The following C1orf185 variants were observed in gnomAD, a reference collection of about 807,000 sequenced individuals.
C1orf185 encodes chromosome 1 open reading frame 185, also known as uncharacterized protein C1orf185.
C1orf185 carries 13 observed loss-of-function variants against 16.1 expected under a neutral mutation model. The ratio of observed to expected loss-of-function variants is 0.81; its 90% confidence interval spans 0.53 to 1.28. The LOEUF (loss-of-function observed/expected upper bound fraction) is 1.28. Among genes scored for constraint, C1orf185 ranks in the 50% most tolerant of loss-of-function variants. The pLI, the probability that C1orf185 is intolerant of heterozygous loss-of-function variation, is 0.00. For synonymous variants in C1orf185, 80 were observed against 76.9 expected, an observed-to-expected ratio of 1.04 and a Z score of -0.21; for missense variants, 220 against 225.2, an observed-to-expected ratio of 0.98 and a Z score of 0.15.
Position 51,147,927 on chromosome 1 carries a change from C to CA in C1orf185, c.*156_*157insA. 1.5e-6 allele frequency: 1 copy of CA among 666,270 alleles called. No homozygotes were observed. 41.3% of individuals were successfully genotyped at this position (666,270 alleles called of 1,614,324 possible). The stretch of plus-strand genomic sequence containing the variant: ...TCTTAACATGTCCATGCTAATATTG[C>CA]TTTTTTTGTTCTTTACCATAGAGCG... On this transcript the variant is annotated 3_prime_UTR_variant, in exon 5 of 5. Transcript: ENST00000371759.
intron 3 of C1orf185, among the ~76,000 whole-genome samples, chr1:51,122,109 G>C (rs995717521): frequency 3.9e-5 from 6 of 151,946 alleles, no homozygotes; most frequent in Non-Finnish European, 7.4e-5. Context: ...ATAGTTCATT[G>C]CTTTTACTGT....
chr1:51,125,872 C>T (rs1337870548), intron 3 of C1orf185, among the ~76,000 whole-genome samples: 1 of 152,116 alleles, frequency 6.6e-6, no homozygotes, highest in Admixed American at 6.6e-5. Flanking sequence ...TTCAGCAAAA[C>T]AGGAGCTAGG....
chr1:51,147,967 G>A lies in C1orf185; in HGVS notation c.*196G>A. 1 of 461,020 alleles carries A rather than the reference G, an allele frequency of 2.2e-6. No homozygotes were observed. The highest frequency in any genetic ancestry group is 3.4e-5 in the East Asian group (1 of 29,522). 28.6% of individuals were successfully genotyped at this position (461,020 alleles called of 1,614,324 possible). On this transcript the variant is annotated 3_prime_UTR_variant, in exon 5 of 5. Transcript: ENST00000371759. ...ACCATAGAGCGGCTCTACTTCCCTT[G>A]CTGGTTCTTATTTCTAGAAACAAAA...
chr1:51,142,692 A>G (rs539431918), intron 3 of C1orf185, among the ~76,000 whole-genome samples: 1 of 152,162 alleles, frequency 6.6e-6, no homozygotes, highest in African/African-American at 2.4e-5. Context: ...GTTGTTCATG[A>G]TATTCCTTTA....
intron 2 of C1orf185, among the ~76,000 whole-genome samples, chr1:51,113,633 C>T (rs188510874): frequency 3.4e-4 from 51 of 152,108 alleles, no homozygotes; most frequent in African/African-American, 5.1e-4. Context: ...TGCAGTGAGC[C>T]GAGATTGTGC....
At chr1:51,149,721 G>GA (rs914252800), downstream of C1orf185, among the ~76,000 whole-genome samples, 18 of 150,218 alleles carry the variant, frequency 1.2e-4, no homozygotes, top group South Asian at 1.9e-3. Context: ...GCTTAGGAAG[G>GA]AAAAAAAAAC....
At position 51,145,764 on chromosome 1, in the gene C1orf185, T is replaced by A; in HGVS notation, c.295+4T>A. ...AAGGAAGCAGCACATATAAAAGGTA[T>A]TTTTTCTCAATAATTTATTAGAAGA... On this transcript the variant is annotated splice_donor_region_variant and intron_variant, in intron 4 of 4. Transcript: ENST00000371759. 2 of 1,291,362 alleles carry A rather than the reference T, an allele frequency of 1.5e-6. No individual in the cohort carries two copies. The highest frequency in any genetic ancestry group is 2.1e-6 in the Non-Finnish European group (2 of 950,062). 80.0% of individuals were successfully genotyped at this position (1,291,362 alleles called of 1,614,324 possible).
intron 3 of C1orf185, among the ~76,000 whole-genome samples, chr1:51,123,481 G>C (rs950084713): frequency 5.3e-5 from 8 of 152,188 alleles, no homozygotes; most frequent in Non-Finnish European, 8.8e-5. Flanking sequence ...AAACATATGT[G>C]TGGAGGTTTT....
At chr1:51,120,337 C>T (rs953206688) in intron 3 of C1orf185, among the ~76,000 whole-genome samples, 1 of 152,118 alleles carries the variant, frequency 6.6e-6, no homozygotes, top group Non-Finnish European at 1.5e-5. Flanking sequence ...CTGACTGTAC[C>T]ACCAATAGCT....
chr1:51,139,622 A>C (rs1326745542), intron 3 of C1orf185, among the ~76,000 whole-genome samples: 1 of 152,150 alleles, frequency 6.6e-6, no homozygotes, highest in East Asian at 1.9e-4. Flanking sequence ...CTATTACTTC[A>C]CAGTGTTGTG....
At chr1:51,142,130 T>G (rs1646368807) in intron 3 of C1orf185, among the ~76,000 whole-genome samples, 1 of 152,232 alleles carries the variant, frequency 6.6e-6, no homozygotes, top group Non-Finnish European at 1.5e-5. Context: ...AATTTAATAT[T>G]GATTCAATGT....
intron 3 of C1orf185, among the ~76,000 whole-genome samples, chr1:51,141,262 G>A (rs1048904130): frequency 5.9e-5 from 9 of 152,218 alleles, no homozygotes; most frequent in African/African-American, 2.2e-4. Flanking sequence ...GGCCAAGACA[G>A]CAGGATCACT....
chr1:51,108,497 C>T (rs903884008), intron 1 of C1orf185, among the ~76,000 whole-genome samples: 4 of 152,006 alleles, frequency 2.6e-5, no homozygotes, highest in African/African-American at 7.2e-5. Context: ...TTGTTGTCAC[C>T]CTGCTCTGCC....
At chr1:51,145,243 T>G (rs1336001909) in intron 3 of C1orf185, among the ~76,000 whole-genome samples, 2 of 152,034 alleles carry the variant, frequency 1.3e-5, no homozygotes, top group Non-Finnish European at 2.9e-5. Context: ...AGTTCAAGGC[T>G]GCAGTGAGCT....
chr1:51,127,893 T>G (rs112036549), intron 3 of C1orf185, among the ~76,000 whole-genome samples: 5,420 of 146,948 alleles, frequency 0.037, 275 homozygotes, highest in African/African-American at 0.11. Flanking sequence ...TTGTTTTTTT[T>G]TTTTTTTTTT....
intron 3 of C1orf185, among the ~76,000 whole-genome samples, chr1:51,123,376 T>G (rs1293132985): frequency 6.6e-6 from 1 of 152,236 alleles, no homozygotes; most frequent in Non-Finnish European, 1.5e-5. Flanking sequence ...CACGGAATAA[T>G]GTTCCATTGT....
rs35232347 is a variant in C1orf185 at position 51,111,370 on chromosome 1, C to CTTTTT, written c.17-1091_17-1090insTTTTT. On this transcript the variant is annotated intron_variant, in intron 1 of 4. Transcript: ENST00000371759. ...ATATTGCTTTCATTTAGCTTTCTTTCTTTCTTTTTTTTTTTTTTTGAGAGA... is the reference window on the plus strand; with the variant it reads ...ATATTGCTTTCATTTAGCTTTCTTTCTTTTTTTTCTTTTTTTTTTTTTTTGAGAGA... Among the ~76,000 whole-genome samples, 192 of 114,324 alleles carry CTTTTT rather than the reference C, an allele frequency of 1.7e-3. 1 individual carries two copies. The highest frequency in any genetic ancestry group is 9.3e-3 in the Middle Eastern group (2 of 214). 75.0% of individuals were successfully genotyped at this position (114,324 alleles called of 152,430 possible). A position where few individuals can be genotyped will look rare whatever the true frequency, so the allele number is the denominator to read the frequency against.
chr1:51,113,090 AT>A (rs1646133186), intron 2 of C1orf185, among the ~76,000 whole-genome samples: 1 of 151,938 alleles, frequency 6.6e-6, no homozygotes, highest in South Asian at 2.1e-4. Context: ...AAGTGCTGGG[AT>A]TACAGGCATG....
intron 3 of C1orf185, among the ~76,000 whole-genome samples, chr1:51,126,728 T>A (rs148657146): frequency 6.6e-6 from 1 of 152,246 alleles, no homozygotes; most frequent in Non-Finnish European, 1.5e-5. Flanking sequence ...TACCATAGTA[T>A]ATTTGTCAAA....
Sources: allele counts gnomAD v4.1 joint callset (sites outside exome capture counted in the v4.1 genomes callset), GRCh38; gene constraint gnomAD v4.1.1; transcripts MANE v1.5; gene names NCBI Gene and HGNC (gene_info 2026-07-23, HGNC 2026-07-21).